Variants in CPEB2 observed in about 807,000 individuals in gnomAD.
CPEB2 encodes the protein cytoplasmic polyadenylation element binding protein 2, also known as cytoplasmic polyadenylation element-binding protein 2.
Under a neutral mutation model 93.6 loss-of-function variants are expected in CPEB2, and 56 were observed. The ratio of observed to expected loss-of-function variants is 0.60; its 90% CI spans 0.48 to 0.75. CPEB2 has a LOEUF of 0.75. Among genes scored for constraint, CPEB2 ranks in the 30% least tolerant of loss-of-function variants. The probability of loss-of-function intolerance (pLI) is 0.00; values close to 1 mark genes in which losing one functional copy is unlikely to be tolerated. For missense variants in CPEB2, 1,579 were observed against 1,395.1 expected (o/e 1.13, Z -2.10); for synonymous variants, 764 against 586.3 (o/e 1.30, Z -4.38).
chr4:15,052,612 G>A (rs755730710), intron 7 of CPEB2, 28 bp downstream of exon 7: 3 of 1,393,660 alleles, frequency 2.2e-6, no homozygotes, highest in South Asian at 1.7e-5. Context: ...TATTAACATG[G>A]TGATTTGGGC....
Position 15,004,001 on chromosome 4 carries a change from C to G in CPEB2, c.1328C>G (p.Pro443Arg), listed in dbSNP as rs777486867. 9 of 1,545,980 alleles carry G rather than the reference C, an allele frequency of 5.8e-6. No individual in the cohort carries two copies. The highest frequency in any genetic ancestry group is 2.7e-5 in the East Asian group (1 of 37,112). ...CTCAGCGCCATGCCGCCGCCCAGCC[C>G]CGACTCAGAGAACGGCTTCTACCCC... The part of the protein sequence containing the change: ...GSLSAMPPPS[P>R]DSENGFYPGL... Residue 443 changes from proline (P) to arginine (R), a missense_variant, in exon 1 of 12, where the codon CCC becomes CGC. Physicochemically the swap from Pro to Arg is moderately radical, Grantham distance 103. Transcript: ENST00000538197.
chr4:15,042,296 C>T (rs1487570053), intron 6 of CPEB2, among the ~76,000 whole-genome samples: 2 of 152,010 alleles, frequency 1.3e-5, no homozygotes, highest in East Asian at 3.9e-4. Context: ...TATTATTTGT[C>T]TTCATCTCAG....
At chr4:15,012,075 C>A (rs1183968617) in intron 3 of CPEB2, among the ~76,000 whole-genome samples, 1 of 152,192 alleles carries the variant, frequency 6.6e-6, no homozygotes, top group African/African-American at 2.4e-5. Flanking sequence ...TATATAGTTG[C>A]ATACCAAACC....
chr4:15,004,142 G>A lies in CPEB2; in HGVS notation c.1469G>A (p.Gly490Asp). The change falls in exon 1 of 12, where the codon GGC becomes GAC. Residue 490 changes from glycine (G) to aspartate (D), a missense_variant. Gly to Asp is a moderately conservative substitution (Grantham distance 94). This residue lies in a region of CPEB2 where 1,411 missense variants were observed against 1,056.0 expected (regional missense o/e 1.34). Coordinates refer to ENST00000538197, the MANE Select transcript of CPEB2 (RefSeq NM_001177382.2). Reference sequence around the variant, plus strand: ...GGCGGCGGCGGCGGCGGCTTCGGCGGCCCCTTCTCGGCTACCGCTGTGCCC... The same window carrying A: ...GGCGGCGGCGGCGGCGGCTTCGGCGACCCCTTCTCGGCTACCGCTGTGCCC... Reference protein sequence around the residue: ...TSGGGGGGFGGPFSATAVPPP... With the variant: ...TSGGGGGGFGDPFSATAVPPP... 1 of 1,495,560 alleles carries A rather than the reference G, an allele frequency of 6.7e-7. No individual in the cohort carries two copies. The highest frequency in any genetic ancestry group is 8.9e-7 in the Non-Finnish European group (1 of 1,127,804). 92.6% of individuals were successfully genotyped at this position (1,495,560 alleles called of 1,614,324 possible).
intron 4 of CPEB2, among the ~76,000 whole-genome samples, chr4:15,024,743 ATTTTT>A (rs59788756): frequency 6.5e-5 from 7 of 108,470 alleles, no homozygotes; most frequent in Admixed American, 2.0e-4. Flanking sequence ...TTCTTTGATA[ATTTTT>A]TTTTTTTTTT....
intron 4 of CPEB2, among the ~76,000 whole-genome samples, chr4:15,023,923 G>A (rs773202222): frequency 6.6e-6 from 1 of 151,976 alleles, no homozygotes; most frequent in Non-Finnish European, 1.5e-5. Context: ...GTCAGGGATT[G>A]TATTACTGAG....
rs963340728 is a variant in CPEB2, at chr4:15,002,989, G to C, written c.316G>C (p.Ala106Pro). ...ELLLGLTQQP[A>P]RPLSGAAATE... ...GCTTCTGGGGCTGACACAGCAGCCGGCGCGGCCGCTTTCGGGGGCGGCGGC... is the reference window on the plus strand; with the variant it reads ...GCTTCTGGGGCTGACACAGCAGCCGCCGCGGCCGCTTTCGGGGGCGGCGGC... The change falls in exon 1 of 12, where the codon GCG becomes CCG. Residue 106 changes from alanine to proline, a missense_variant. By Grantham distance (27) the Ala-to-Pro change is conservative (BLOSUM62 -1). Around this residue, in one of 2 missense-constraint regions of CPEB2, gnomAD observed 1,411 missense variants for 1,056.0 expected, o/e 1.34. Coordinates refer to ENST00000538197, the MANE Select transcript of CPEB2 (RefSeq NM_001177382.2). 2 of 1,500,310 alleles carry C rather than the reference G, an allele frequency of 1.3e-6. No homozygotes were observed. Among genetic ancestry groups the C allele is most frequent in the Non-Finnish European group, 1.8e-6 (2 of 1,135,740 alleles). The allele number at this position is 1,500,310 out of a possible 1,614,324, so 92.9% of individuals were successfully genotyped here.
chr4:15,037,310 C>T lies in CPEB2; in HGVS notation c.2177-3154C>T, dbSNP rs12639753. Among the ~76,000 whole-genome samples the T allele has an allele frequency of 4.3e-4, 56 of 129,760 alleles. 1 individual carries two copies. The East Asian group carries it at 0.013, about 29-fold the overall frequency. 85.1% of individuals were successfully genotyped at this position (129,760 alleles called of 152,430 possible). A position where few individuals can be genotyped will look rare whatever the true frequency, so the allele number is the denominator to read the frequency against. ...TGGGCGACAGAGCAAGACTCCGCCT[C>T]AAAAAAAAAAAAGACTGTGATTTAG... is the stretch of plus-strand genomic sequence containing the variant. On this transcript the variant is annotated intron_variant, in intron 5 of 11. Coordinates refer to ENST00000538197, the MANE Select transcript of CPEB2 (RefSeq NM_001177382.2).
intron 1 of CPEB2, among the ~76,000 whole-genome samples, chr4:15,005,872 C>G (rs971441316): frequency 6.6e-6 from 1 of 152,154 alleles, no homozygotes; most frequent in African/African-American, 2.4e-5. Context: ...TCTTTTGTGT[C>G]TCAGGATCTT....
In CPEB2 at chr4:15,058,491, T is replaced by C; in HGVS notation, c.2532T>C (p.Asp844=). The part of the protein sequence containing the change: ...QALIDACIEE[D]GKLYLCVSSP... ...TCATTGATGCTTGTATTGAAGAAGA[T>C]GGAAAACTCTATCTGTGTGTTTCTA... Residue 844 remains aspartate, a synonymous_variant, in exon 9 of 12, where the codon GAT becomes GAC. Coordinates refer to ENST00000538197, the MANE Select transcript of CPEB2 (RefSeq NM_001177382.2). 4 of 1,612,904 alleles carry C rather than the reference T, an allele frequency of 2.5e-6. No homozygotes were observed. The highest frequency in any genetic ancestry group is 1.7e-4 in the Middle Eastern group (1 of 6,058).
rs2702514 is a variant in CPEB2, at chr4:15,048,529, C to A, written c.2201-3885C>A. ...AGTGGCTAATAACATTCTTTTTAAT[C>A]TTTTAATGTTTGTAAGTTCTGTGTT... On this transcript the variant is annotated intron_variant, in intron 6 of 11. Transcript: ENST00000538197. Among the ~76,000 whole-genome samples the A allele has an allele frequency of 7.4e-3, 1,125 of 151,886 alleles. 15 individuals carry two copies. The highest frequency in any genetic ancestry group is 0.026 in the African/African-American group (1,072 of 41,466).
At chr4:15,030,902 G>T (rs937872663) in intron 4 of CPEB2, among the ~76,000 whole-genome samples, 1 of 151,954 alleles carries the variant, frequency 6.6e-6, no homozygotes, top group East Asian at 1.9e-4. Flanking sequence ...CCTGTATCTT[G>T]GGATAAATAA....
intron 8 of CPEB2, 104 bp downstream of exon 8, chr4:15,054,321 T>A (rs1311596447): frequency 3.8e-6 from 3 of 792,686 alleles, no homozygotes; most frequent in African/African-American, 1.8e-5. Context: ...AGACTTGCTA[T>A]GATTTGATAA....
chr4:15,021,781 T>C (rs1027592296), intron 4 of CPEB2, among the ~76,000 whole-genome samples: 1 of 152,166 alleles, frequency 6.6e-6, no homozygotes, highest in Non-Finnish European at 1.5e-5. Context: ...TTAAAACTTA[T>C]TTACTAAGTT....
chr4:15,013,836 G>C (rs1723789900), intron 3 of CPEB2, among the ~76,000 whole-genome samples: 1 of 151,964 alleles, frequency 6.6e-6, no homozygotes, highest in Non-Finnish European at 1.5e-5. Flanking sequence ...TAGCTTTGCT[G>C]TTTTCTTTCC....
At chr4:15,022,599 C>T (rs765733480) in intron 4 of CPEB2, among the ~76,000 whole-genome samples, 14 of 151,716 alleles carry the variant, frequency 9.2e-5, no homozygotes, top group Non-Finnish European at 1.5e-4. Context: ...GTTGATTTTT[C>T]GTTTCTTCAT....
Position 15,068,923 on chromosome 4 carries a change from T to G in CPEB2, c.*2543T>G, listed in dbSNP as rs1173118870. 1 of 152,186 alleles carries G rather than the reference T, an allele frequency of 6.6e-6. No homozygotes were observed. The highest frequency in any genetic ancestry group is 1.5e-5 in the Non-Finnish European group (1 of 67,824). The allele number at this position is 152,186 out of a possible 1,614,324, so 9.4% of individuals were successfully genotyped here. On this transcript the variant is annotated 3_prime_UTR_variant, in exon 12 of 12. Coordinates refer to ENST00000538197, the MANE Select transcript of CPEB2 (RefSeq NM_001177382.2). ...CCCTACCTCTTTTGTTTTGTTTTGTTTTTGCCCTTTATGTACTACATTCTT... is the reference window on the plus strand; with the variant it reads ...CCCTACCTCTTTTGTTTTGTTTTGTGTTTGCCCTTTATGTACTACATTCTT...
At chr4:15,038,597 T>TC (rs1471258039) in intron 5 of CPEB2, among the ~76,000 whole-genome samples, 1 of 151,642 alleles carries the variant, frequency 6.6e-6, no homozygotes, top group African/African-American at 2.4e-5. Flanking sequence ...TTTTTTTTTT[T>TC]TTTTTCTTTG....
rs1009245569 is a variant in CPEB2, at chr4:15,017,050, T to G, written c.2035-138T>G. ...TGTAGTTCATGAGATCTTTAGTTAT[T>G]GGTATTTTTGTGGGATACAGATTAA... On this transcript the variant is annotated intron_variant, in intron 3 of 11. Transcript: ENST00000538197. The G allele has an allele frequency of 5.1e-6, 3 of 593,076 alleles. No individual in the cohort carries two copies. In the African/African-American group the frequency reaches 5.7e-5, roughly 11 times the overall value. 36.7% of individuals were successfully genotyped at this position (593,076 alleles called of 1,614,324 possible). A position where few individuals can be genotyped will look rare whatever the true frequency, so the allele number is the denominator to read the frequency against.
Sources: gnomAD v4.1 joint callset for allele counts (sites outside exome capture counted in the v4.1 genomes callset) on GRCh38, gnomAD v4.1.1 for gene constraint, gnomAD v4.1.1 regional missense constraint, MANE v1.5 for transcripts, NCBI Gene and HGNC (gene_info 2026-07-23, HGNC 2026-07-21) for gene names.